The following CLTCL1 variants were observed in gnomAD, a reference collection of about 807,000 sequenced individuals.
CLTCL1 encodes clathrin heavy chain 2.
CLTCL1 carries 159 observed loss-of-function variants against 190.0 expected under a neutral mutation model. The ratio of observed to expected loss-of-function variants is 0.84; its 90% CI spans 0.74 to 0.95. The LOEUF (loss-of-function observed/expected upper bound fraction) is 0.95. CLTCL1 is among the 40% of genes least tolerant of loss of function. The pLI is 0.00. For synonymous variants in CLTCL1, 752 were observed against 769.6 expected (o/e 0.98, Z 0.38); for missense variants, 1,878 against 2,033.4 (o/e 0.92, Z 1.47).
chr22:19,189,238 C>T (rs1307194012), intron 27 of CLTCL1, among the ~76,000 whole-genome samples: 1 of 152,302 alleles, frequency 6.6e-6, no homozygotes, highest in African/African-American at 2.4e-5. Context: ...ATGAGGTTTG[C>T]CTCACTGACT....
chr22:19,216,337 C>G (rs1240774060), intron 18 of CLTCL1, 81 bp from the exon 19 acceptor site: 2 of 1,371,386 alleles, frequency 1.5e-6, no homozygotes, highest in Admixed American at 3.7e-5. Context: ...AAGGGAAGGA[C>G]TCCTCCAAGA....
In CLTCL1 at chr22:19,198,799, C is replaced by G. The variant is rs1423441161; in HGVS notation, c.3873+935G>C. Among the ~76,000 whole-genome samples the G allele has an allele frequency of 6.6e-6, 1 of 152,162 alleles. No homozygotes were observed. Among genetic ancestry groups the G allele is most frequent in the Non-Finnish European group, 1.5e-5 (1 of 68,022 alleles). ...CTGCCAACCTTGCTGAATGCCAGTT[C>G]AATTAAATAGAGGCTTTTCTGTTTT... On this transcript the variant is annotated intron_variant, in intron 24 of 32. Coordinates refer to ENST00000427926, the MANE Select transcript of CLTCL1 (RefSeq NM_007098.4). The surrounding 1 kb of genome is among the most constrained non-coding windows in gnomAD (Gnocchi z 4.1).
chr22:19,268,868 G>A (rs1452936907), intron 2 of CLTCL1, among the ~76,000 whole-genome samples: 2 of 151,914 alleles, frequency 1.3e-5, no homozygotes, highest in African/African-American at 4.8e-5. Context: ...GCCAACGCAG[G>A]TGGATCACAA....
intron 22 of CLTCL1, among the ~76,000 whole-genome samples, chr22:19,206,701 T>C (rs1037893802): frequency 3.3e-5 from 5 of 152,216 alleles, no homozygotes; most frequent in Non-Finnish European, 2.9e-5. Flanking sequence ...CCTCCCAAAG[T>C]GCTGGGATTA....
chr22:19,287,902 A>G (rs1377862139), intron 1 of CLTCL1, among the ~76,000 whole-genome samples: 1 of 152,178 alleles, frequency 6.6e-6, no homozygotes, highest in Admixed American at 6.5e-5. Context: ...AACAGCTCAC[A>G]AGGACACAGT....
At chr22:19,242,610 A>C (rs573570438) in intron 4 of CLTCL1, among the ~76,000 whole-genome samples, 165 bp downstream of exon 4, 1 of 152,060 alleles carries the variant, frequency 6.6e-6, no homozygotes, top group Non-Finnish European at 1.5e-5. Context: ...TTTTTAGGGG[A>C]ATGGGGCCAC....
At chr22:19,235,435 A>G (rs1167464645) in intron 6 of CLTCL1, among the ~76,000 whole-genome samples, 1 of 152,208 alleles carries the variant, frequency 6.6e-6, no homozygotes, top group African/African-American at 2.4e-5. Flanking sequence ...TAGGGTGTGC[A>G]TGGTATAAAG....
At position 19,180,058 on chromosome 22, in the gene CLTCL1, G is replaced by T. The variant is rs2084077174; in HGVS notation, c.*21-89C>A. The T allele has an allele frequency of 7.1e-6, 5 of 708,844 alleles. No individual in the cohort carries two copies. The South Asian group carries it at 8.8e-5, about 12-fold the overall frequency. 43.9% of individuals were successfully genotyped at this position (708,844 alleles called of 1,614,324 possible). On this transcript the variant is annotated intron_variant, in intron 32 of 32. Transcript: ENST00000427926. Reference sequence around the variant, plus strand: ...GCCCCTGAGTAGCCCGGGGCCCAGGGAGCAGGGTCTATAGGACCAGCCCTT... The same window carrying T: ...GCCCCTGAGTAGCCCGGGGCCCAGGTAGCAGGGTCTATAGGACCAGCCCTT...
rs782662679 is a variant in CLTCL1, at chr22:19,232,520, G to A, written c.1600C>T (p.Arg534Ter). 6.2e-6 allele frequency: 10 copies of A among 1,613,856 alleles called. No homozygotes were observed. The highest frequency in any genetic ancestry group is 1.7e-5 in the Admixed American group (1 of 60,010). The change falls in exon 10 of 33, where the codon CGA becomes TGA. Residue 534 changes from arginine to a stop codon, truncating the protein, a stop_gained. Transcript: ENST00000427926. LOFTEE classifies it high-confidence loss of function. ...GGCTCCTCGTCCTGCACTAGCATTC[G>A]AGAAAACTGCAGGCCCTGTTCCGGA... is the stretch of plus-strand genomic sequence containing the variant. ...ISPEQGLQFS[R>*]MLVQDEEPLA... is the part of the protein sequence containing the mutation.
rs201397985 is a variant in CLTCL1 at position 19,180,776 on chromosome 22, G to A, written c.4858C>T (p.Arg1620Cys). The A allele has an allele frequency of 7.3e-5, 118 of 1,613,768 alleles. No homozygotes were observed. The Middle Eastern group carries it at 3.0e-3, about 41-fold the overall frequency. The change falls in exon 31 of 33, where the codon CGC becomes TGC. Residue 1620 changes from arginine to cysteine, a missense_variant. Arg to Cys is a radical substitution (Grantham distance 180, BLOSUM62 -3). Coordinates refer to ENST00000427926, the MANE Select transcript of CLTCL1 (RefSeq NM_007098.4). The stretch of plus-strand genomic sequence containing the variant: ...TCTGTCACATGCTCCTCTTGCTTGC[G>A]CAGACTCTCCAAGGCATCCAGTTTG... The part of the protein sequence containing the change: ...VDKLDALESL[R>C]KQEEHVTEPA...
At chr22:19,230,466 A>G (rs1555958475) in intron 10 of CLTCL1, among the ~76,000 whole-genome samples, 1 of 152,110 alleles carries the variant, frequency 6.6e-6, no homozygotes, top group African/African-American at 2.4e-5. Context: ...ATGTGCCTAT[A>G]GTCCCAGCTA....
chr22:19,203,310 C>A (rs576402305), intron 22 of CLTCL1, among the ~76,000 whole-genome samples: 58 of 152,270 alleles, frequency 3.8e-4, no homozygotes, highest in South Asian at 3.3e-3. Context: ...AGTGAAACTC[C>A]ATCTCAAAAA....
intron 2 of CLTCL1, among the ~76,000 whole-genome samples, chr22:19,272,673 G>A (rs781917821): frequency 2.0e-5 from 3 of 152,132 alleles, no homozygotes; most frequent in Non-Finnish European, 2.9e-5. Context: ...GTTACTCCAC[G>A]TTCGTCAGGC....
intron 2 of CLTCL1, among the ~76,000 whole-genome samples, chr22:19,272,375 T>G (rs181972986): frequency 3.3e-5 from 5 of 152,322 alleles, no homozygotes; most frequent in Non-Finnish European, 7.4e-5. Flanking sequence ...TGACGTGGGC[T>G]GAGTATCTCT....
rs367762493 is a variant in CLTCL1 at position 19,233,580 on chromosome 22, T to C, written c.1210A>G (p.Ile404Val). 8 of 1,613,716 alleles carry C rather than the reference T, an allele frequency of 5.0e-6. No individual in the cohort carries two copies. Among genetic ancestry groups the C allele is most frequent in the Non-Finnish European group, 6.8e-6 (8 of 1,179,898 alleles). The change falls in exon 8 of 33, where the codon ATA (isoleucine) becomes GTA (valine). Residue 404 changes from isoleucine to valine, a missense_variant. Ile to Val is a conservative substitution (Grantham distance 29). Transcript: ENST00000427926. ...GAAGCCTGGCCAGACTGAGCGGGTA[T>C]ACTCTGGAATTTCTGGACCGTCTCT... The part of the protein sequence containing the change: ...TRETVQKFQS[I>V]PAQSGQASPL...
intron 1 of CLTCL1, among the ~76,000 whole-genome samples, chr22:19,280,175 TA>T (rs1222959714): frequency 5.9e-5 from 9 of 151,936 alleles, no homozygotes; most frequent in African/African-American, 7.3e-5. Context: ...GTGTTAAGTA[TA>T]AAAAAAAGAT....
rs2086299763 is a variant in CLTCL1 at position 19,242,895 on chromosome 22, A to G, written c.561T>C (p.Asp187=). Residue 187 remains aspartate, a synonymous_variant, in exon 4 of 33, where the codon GAT becomes GAC. Transcript: ENST00000427926. ...VVGAMQLYSV[D]RKVSQPIEGH... ...CTTCTATGGGTTGTGAAACCTTCCT[A>G]TCCACAGAGTAGAGCTGCATTGCTC... The G allele has an allele frequency of 6.2e-7, 1 of 1,613,974 alleles. No individual in the cohort carries two copies. The highest frequency in any genetic ancestry group is 8.5e-7 in the Non-Finnish European group (1 of 1,179,878).
intron 19 of CLTCL1, among the ~76,000 whole-genome samples, chr22:19,212,004 T>G (rs1393153237): frequency 1.3e-5 from 2 of 152,124 alleles, no homozygotes; most frequent in Non-Finnish European, 2.9e-5. Context: ...ATGAAATAAG[T>G]ATAAATCTAA....
intron 1 of CLTCL1, among the ~76,000 whole-genome samples, chr22:19,283,648 T>G (rs1397506057): frequency 6.6e-6 from 1 of 152,150 alleles, no homozygotes; most frequent in Non-Finnish European, 1.5e-5. Context: ...TGCTGTCTAA[T>G]GATCCTTTTC....
Sources: gnomAD v4.1 joint callset for allele counts (sites outside exome capture counted in the v4.1 genomes callset) on GRCh38, gnomAD v4.1.1 for gene constraint, Gnocchi (gnomAD v3.1) non-coding constraint, MANE v1.5 for transcripts, NCBI Gene and HGNC (gene_info 2026-07-23, HGNC 2026-07-21) for gene names.